The following CPNE8 variants were observed in gnomAD, a reference collection of about 807,000 sequenced individuals.
CPNE8 encodes copine 8, also known as copine-8.
In CPNE8, 45 loss-of-function variants were observed where a neutral mutation model predicts 81.5. The ratio of observed to expected loss-of-function variants is 0.55; its 90% CI spans 0.44 to 0.71. The LOEUF (loss-of-function observed/expected upper bound fraction) is 0.71, where lower values mean the gene tolerates loss of function less well. Among genes scored for constraint, CPNE8 ranks in the 30% least tolerant of loss-of-function variants. The probability of loss-of-function intolerance (pLI) is 0.00; values close to 1 mark genes in which losing one functional copy is unlikely to be tolerated. For synonymous variants in CPNE8, 252 were observed against 226.3 expected (o/e 1.11, Z -1.02); for missense variants, 594 against 672.1 (o/e 0.88, Z 1.28).
rs1941932969 is a variant in CPNE8 at position 38,776,233 on chromosome 12, C to T, written c.471+5G>A. 6.6e-7 allele frequency: 1 copy of T among 1,507,486 alleles called. No homozygotes were observed. The highest frequency in any genetic ancestry group is 9.0e-7 in the Non-Finnish European group (1 of 1,106,452). 93.4% of individuals were successfully genotyped at this position (1,507,486 alleles called of 1,614,324 possible). A position where few individuals can be genotyped will look rare whatever the true frequency, so the allele number is the denominator to read the frequency against. ...ATTTTCTAAACCAAAGAAATATTTA[C>T]TTACCCTGCAACAGTTTAATTCCTC... On this transcript the variant is annotated splice_donor_5th_base_variant and intron_variant, in intron 7 of 19. Transcript: ENST00000331366.
chr12:38,784,051 CAG>C lies in CPNE8; in HGVS notation c.408-7752_408-7751del, dbSNP rs1455218760. On this transcript the variant is annotated intron_variant, in intron 6 of 19. Transcript: ENST00000331366. ...GCACCAGGAACCAAGCCTGGAGAAA[CAG>C]AGATATGTGAGCATACAGACAGAGA... 2.6e-5 allele frequency among the ~76,000 whole-genome samples: 4 copies of C among 152,252 alleles called. No homozygotes were observed. In the East Asian group the frequency reaches 5.8e-4, roughly 22 times the overall value.
intron 1 of CPNE8, among the ~76,000 whole-genome samples, chr12:38,882,536 G>T (rs1944176529): frequency 6.6e-6 from 1 of 152,142 alleles, no homozygotes; most frequent in Non-Finnish European, 1.5e-5. Flanking sequence ...CAGGAAACGA[G>T]TACAGCCAGT....
chr12:38,750,010 G>A (rs1423314319), intron 10 of CPNE8, among the ~76,000 whole-genome samples: 2 of 152,080 alleles, frequency 1.3e-5, no homozygotes, highest in Non-Finnish European at 2.9e-5. Context: ...GGAGAAAATG[G>A]TTTCCTGGGT....
At chr12:38,785,451 C>T (rs1942162511) in intron 6 of CPNE8, among the ~76,000 whole-genome samples, 1 of 151,982 alleles carries the variant, frequency 6.6e-6, no homozygotes, top group African/African-American at 2.4e-5. Flanking sequence ...GTGGAGGGAC[C>T]TGGTGGGAGG....
intron 6 of CPNE8, among the ~76,000 whole-genome samples, chr12:38,818,601 ATG>A (rs1436928135): frequency 6.6e-6 from 1 of 152,186 alleles, no homozygotes; most frequent in Non-Finnish European, 1.5e-5. Flanking sequence ...ATATGTGTGC[ATG>A]TGTCTTTATA....
chr12:38,811,915 T>C (rs1038460245), intron 6 of CPNE8, among the ~76,000 whole-genome samples: 4 of 152,210 alleles, frequency 2.6e-5, no homozygotes, highest in Non-Finnish European at 4.4e-5. Context: ...AGGCATTATG[T>C]TAGGTAGTGA....
At chr12:38,803,663 T>A (rs1451419396) in intron 6 of CPNE8, among the ~76,000 whole-genome samples, 1 of 148,750 alleles carries the variant, frequency 6.7e-6, no homozygotes, top group South Asian at 2.2e-4. Context: ...GCCAGGGCAA[T>A]CAGGCAGGAG....
intron 3 of CPNE8, among the ~76,000 whole-genome samples, chr12:38,855,180 T>C (rs966548589): frequency 3.3e-5 from 5 of 151,772 alleles, no homozygotes; most frequent in Non-Finnish European, 5.9e-5. Flanking sequence ...GGAGTAAATT[T>C]AACCAAAAAG....
At chr12:38,660,045 C>T (rs1358930059) in intron 19 of CPNE8, among the ~76,000 whole-genome samples, 2 of 151,996 alleles carry the variant, frequency 1.3e-5, no homozygotes, top group African/African-American at 4.8e-5. Context: ...CTGCCCAAGG[C>T]AATTTATAGA....
At chr12:38,671,825 C>T (rs778221720) in intron 18 of CPNE8, among the ~76,000 whole-genome samples, 1 of 152,074 alleles carries the variant, frequency 6.6e-6, no homozygotes, top group Non-Finnish European at 1.5e-5. Context: ...TGAGTCAATG[C>T]TTGGGCTGAA....
chr12:38,664,667 T>A (rs576553193), intron 19 of CPNE8, among the ~76,000 whole-genome samples: 121 of 152,266 alleles, frequency 7.9e-4, no homozygotes, highest in South Asian at 1.7e-3. Flanking sequence ...TTTATGACAC[T>A]GTGGAACATA....
intron 3 of CPNE8, among the ~76,000 whole-genome samples, chr12:38,854,413 C>T (rs1191247975): frequency 1.8e-5 from 2 of 113,340 alleles, no homozygotes; most frequent in African/African-American, 4.9e-5. Context: ...AGTTCTGTCC[C>T]TCTAGAGAAC....
At chr12:38,884,295 A>G (rs1007161279) in intron 1 of CPNE8, among the ~76,000 whole-genome samples, 7 of 152,156 alleles carry the variant, frequency 4.6e-5, no homozygotes, top group Non-Finnish European at 7.4e-5. Flanking sequence ...ATCATATACA[A>G]TATGTGCTCT....
At position 38,865,181 on chromosome 12, in the gene CPNE8, A is replaced by G. The variant is rs11169853; in HGVS notation, c.186+7823T>C. Among the ~76,000 whole-genome samples the G allele has an allele frequency of 4.2e-4, 64 of 152,314 alleles. 1 individual carries two copies. Among genetic ancestry groups the G allele is most frequent in the African/African-American group, 1.4e-3 (57 of 41,592 alleles). On this transcript the variant is annotated intron_variant, in intron 3 of 19. Coordinates refer to ENST00000331366, the MANE Select transcript of CPNE8 (RefSeq NM_153634.3). ...CTGGCCATAAAAAGCATTGGCAAAGATGTATGGCAATACAAGTGGCAGATG... is the reference window on the plus strand; with the variant it reads ...CTGGCCATAAAAAGCATTGGCAAAGGTGTATGGCAATACAAGTGGCAGATG...
chr12:38,758,573 C>T (rs1592065172), intron 10 of CPNE8, among the ~76,000 whole-genome samples: 1 of 152,118 alleles, frequency 6.6e-6, no homozygotes, highest in Non-Finnish European at 1.5e-5. Flanking sequence ...GCCCTGGTTC[C>T]ACCATTGATT....
chr12:38,905,108 C>G (rs1944548919), intron 1 of CPNE8, among the ~76,000 whole-genome samples: 1 of 152,146 alleles, frequency 6.6e-6, no homozygotes, highest in East Asian at 1.9e-4. Context: ...CGGTCATCAC[C>G]CAACCATCCA....
At chr12:38,787,800 C>T (rs1298292988) in intron 6 of CPNE8, among the ~76,000 whole-genome samples, 1 of 151,400 alleles carries the variant, frequency 6.6e-6, no homozygotes, top group African/African-American at 2.4e-5. Flanking sequence ...GAATCATTAG[C>T]AGCTAACATA....
At chr12:38,735,835 A>AC (rs200587478) in intron 10 of CPNE8, among the ~76,000 whole-genome samples, 1,838 of 152,036 alleles carry the variant, frequency 0.012, 28 homozygotes, top group Middle Eastern at 0.041. Flanking sequence ...TTTGAGCAAA[A>AC]ATAATTTTTT....
intron 14 of CPNE8, among the ~76,000 whole-genome samples, chr12:38,697,962 C>A (rs1233368123): frequency 6.6e-6 from 1 of 152,170 alleles, no homozygotes; most frequent in Non-Finnish European, 1.5e-5. Flanking sequence ...AACCTACTTT[C>A]TTTATAAATT....
Sources: gnomAD v4.1 joint callset for allele counts (sites outside exome capture counted in the v4.1 genomes callset) on GRCh38, gnomAD v4.1.1 for gene constraint, MANE v1.5 for transcripts, NCBI Gene and HGNC (gene_info 2026-07-23, HGNC 2026-07-21) for gene names.